The following AKAP7 variants were observed in gnomAD, a reference collection of about 807,000 sequenced individuals.
AKAP7 encodes the protein A-kinase anchoring protein 7, also known as A kinase (PRKA) anchor protein 7.
Under a neutral mutation model 39.5 loss-of-function variants are expected in AKAP7, and 39 were observed. The ratio of observed to expected loss-of-function variants is 0.99; its 90% CI spans 0.76 to 1.29. AKAP7 has a LOEUF of 1.29. Among genes scored for constraint, AKAP7 ranks in the 50% most tolerant of loss-of-function variants. The pLI is 0.00. For synonymous variants in AKAP7, 140 were observed against 139.1 expected, an observed-to-expected ratio of 1.01 and a Z score of -0.05; for missense variants, 414 against 407.7, an observed-to-expected ratio of 1.02 and a Z score of -0.13.
chr6:131,158,907 G>T (rs1802670863), intron 2 of AKAP7, among the ~76,000 whole-genome samples: 1 of 120,548 alleles, frequency 8.3e-6, no homozygotes, highest in South Asian at 2.4e-4. Context: ...AGCCCTGATA[G>T]AATCTGTTAA....
At chr6:131,269,899 G>C (rs891151063) in intron 7 of AKAP7, among the ~76,000 whole-genome samples, 1 of 152,176 alleles carries the variant, frequency 6.6e-6, no homozygotes, top group South Asian at 2.1e-4. Flanking sequence ...AGCTGTGAGA[G>C]ATTACAGATA....
intron 1 of AKAP7, among the ~76,000 whole-genome samples, chr6:131,138,894 C>T (rs536376275): frequency 3.3e-5 from 5 of 152,270 alleles, no homozygotes; most frequent in African/African-American, 1.2e-4. Context: ...AGTTTACCAG[C>T]TTCACCTCAT....
At chr6:131,135,930 C>T in intron 1 of AKAP7, 148 bp downstream of exon 1, 1 of 944,582 alleles carries the variant, frequency 1.1e-6, no homozygotes, top group Non-Finnish European at 1.4e-6. Flanking sequence ...CAGGGTAGCA[C>T]CGAGAAGCCC....
chr6:131,135,603 C>A lies in AKAP7; in HGVS notation c.-161C>A. ...GCAGGCCTGGCCTCCGCCGCCCGGG[C>A]CCCCGCAGCCTGTCGCTGGACCCCG... On this transcript the variant is annotated 5_prime_UTR_variant, in exon 1 of 8. Transcript: ENST00000431975. The A allele has an allele frequency of 1.9e-6, 1 of 538,982 alleles. No homozygotes were observed. Among genetic ancestry groups the A allele is most frequent in the Non-Finnish European group, 2.4e-6 (1 of 421,018 alleles). The allele number at this position is 538,982 out of a possible 1,614,324, so 33.4% of individuals were successfully genotyped here.
At chr6:131,280,194 G>A (rs1305597591) in intron 7 of AKAP7, among the ~76,000 whole-genome samples, 1 of 152,026 alleles carries the variant, frequency 6.6e-6, no homozygotes, top group Non-Finnish European at 1.5e-5. Context: ...TTCTATCTTG[G>A]ACATCTGATC....
chr6:131,201,413 T>G (rs1222916268), intron 6 of AKAP7, among the ~76,000 whole-genome samples: 1 of 152,246 alleles, frequency 6.6e-6, no homozygotes, highest in Non-Finnish European at 1.5e-5. Context: ...TAGATTAGAA[T>G]GCTTAATATT....
intron 5 of AKAP7, chr6:131,184,263 G>T: frequency 2.1e-6 from 1 of 478,192 alleles, no homozygotes; most frequent in Admixed American, 2.5e-5. Context: ...AGGTGGGTAT[G>T]AAAAATGAAG....
Position 131,281,489 on chromosome 6 carries a change from A to G in AKAP7, c.851-41A>G, listed in dbSNP as rs776516585. On this transcript the variant is annotated intron_variant, in intron 7 of 7. Coordinates refer to ENST00000431975, the MANE Select transcript of AKAP7 (RefSeq NM_016377.4). The surrounding 1 kb of genome is among the most constrained non-coding windows in gnomAD (Gnocchi z 4.0). ...CCCTGCATGCCAAGTTTCTATGGCA[A>G]TGTGATCTCAGTGACCTCTCTTCTC... 7 of 1,499,268 alleles carry G rather than the reference A, an allele frequency of 4.7e-6. No individual in the cohort carries two copies. Among genetic ancestry groups the G allele is most frequent in the African/African-American group, 1.4e-5 (1 of 70,796 alleles). 92.9% of individuals were successfully genotyped at this position (1,499,268 alleles called of 1,614,324 possible). A position where few individuals can be genotyped will look rare whatever the true frequency, so the allele number is the denominator to read the frequency against.
chr6:131,183,620 A>C (rs1031667263), intron 5 of AKAP7, among the ~76,000 whole-genome samples: 3 of 152,052 alleles, frequency 2.0e-5, no homozygotes, highest in African/African-American at 7.2e-5. Flanking sequence ...AAGGGTGGGG[A>C]ATGCTTTAGT....
chr6:131,144,633 GTA>G (rs1386715749), intron 1 of AKAP7, among the ~76,000 whole-genome samples: 1 of 151,982 alleles, frequency 6.6e-6, no homozygotes, highest in African/African-American at 2.4e-5. Flanking sequence ...TCCACCCAAG[GTA>G]TATGATTGTT....
At chr6:131,159,339 C>A (rs111443518) in intron 2 of AKAP7, among the ~76,000 whole-genome samples, 2 of 151,590 alleles carry the variant, frequency 1.3e-5, no homozygotes, top group East Asian at 2.0e-4. Context: ...GTGATTCGCC[C>A]GCCTCGGCCT....
chr6:131,219,198 G>A (rs1005497464), intron 6 of AKAP7, among the ~76,000 whole-genome samples: 3 of 151,186 alleles, frequency 2.0e-5, no homozygotes. Context: ...CCTGAGGGAG[G>A]AGAATCACTT....
rs1360423751 is a variant in AKAP7, at chr6:131,136,202, C to G, written c.19+420C>G. Among the ~76,000 whole-genome samples the G allele has an allele frequency of 2.0e-5, 3 of 152,168 alleles. No homozygotes were observed. The South Asian group carries it at 6.2e-4, about 31-fold the overall frequency. ...AATATTAAGCACCCGAACCACCATA[C>G]TGTCTCATTTAGGATTTTCTGCCAG... is the stretch of plus-strand genomic sequence containing the variant. On this transcript the variant is annotated intron_variant, in intron 1 of 7. Coordinates refer to ENST00000431975, the MANE Select transcript of AKAP7 (RefSeq NM_016377.4).
intron 7 of AKAP7, among the ~76,000 whole-genome samples, chr6:131,226,730 A>G (rs939438291): frequency 7.2e-5 from 11 of 152,194 alleles, no homozygotes; most frequent in Admixed American, 7.2e-4. Flanking sequence ...ATCTTACAGG[A>G]GGCAGTGGGG....
At chr6:131,229,910 A>G (rs1163562682) in intron 7 of AKAP7, among the ~76,000 whole-genome samples, 5 of 152,184 alleles carry the variant, frequency 3.3e-5, no homozygotes, top group African/African-American at 9.6e-5. Flanking sequence ...TGTTGCTGCA[A>G]AGGACATGGT....
chr6:131,222,400 G>A (rs1014853981), intron 7 of AKAP7, among the ~76,000 whole-genome samples: 22 of 152,004 alleles, frequency 1.4e-4, no homozygotes, highest in Non-Finnish European at 2.1e-4. Context: ...GGTGGCGGGC[G>A]CCTGTAGTCC....
intron 4 of AKAP7, among the ~76,000 whole-genome samples, chr6:131,166,350 G>C (rs1803490937): frequency 6.6e-6 from 1 of 151,370 alleles, no homozygotes; most frequent in Non-Finnish European, 1.5e-5. Flanking sequence ...AAGGTTGAGA[G>C]AAGGGAGTAG....
intron 7 of AKAP7, among the ~76,000 whole-genome samples, chr6:131,236,818 C>G (rs185711711): frequency 6.6e-6 from 1 of 152,000 alleles, no homozygotes; most frequent in Non-Finnish European, 1.5e-5. Flanking sequence ...GAGACGATGG[C>G]GTTTTCTAGA....
intron 3 of AKAP7, among the ~76,000 whole-genome samples, chr6:131,160,502 C>T (rs1182731601): frequency 6.6e-6 from 1 of 152,134 alleles, no homozygotes; most frequent in African/African-American, 2.4e-5. Flanking sequence ...CCTCAGCCTC[C>T]AAAAATATTT....
Sources: gnomAD v4.1 joint callset for allele counts (sites outside exome capture counted in the v4.1 genomes callset) on GRCh38, gnomAD v4.1.1 for gene constraint, Gnocchi (gnomAD v3.1) non-coding constraint, MANE v1.5 for transcripts, NCBI Gene and HGNC (gene_info 2026-07-23, HGNC 2026-07-21) for gene names.